The following CNKSR2 variants were observed in gnomAD, a reference collection of about 807,000 sequenced individuals.
The protein encoded by CNKSR2 is CNK homolog protein 2.
CNKSR2 carries 14 observed loss-of-function variants against 84.4 expected under a neutral mutation model. The observed-to-expected ratio is 0.17, with a 90% CI of 0.11 to 0.26. The LOEUF is 0.26. Among genes scored for constraint, CNKSR2 ranks in the 10% least tolerant of loss-of-function variants. The probability of loss-of-function intolerance (pLI) is 1.00; values close to 1 mark genes in which losing one functional copy is unlikely to be tolerated. For synonymous variants in CNKSR2, 275 were observed against 277.9 expected, an observed-to-expected ratio of 0.99 and a Z score of 0.10; for missense variants, 485 against 771.2, an observed-to-expected ratio of 0.63 and a Z score of 4.40.
intron 1 of CNKSR2, among the ~76,000 whole-genome samples, chrX:21,419,506 G>T (rs1004000986): frequency 9.0e-6 from 1 of 110,952 alleles, no homozygotes; most frequent in Non-Finnish European, 1.9e-5. Context: ...ATTTATTAGA[G>T]TTTTTGCAGC....
At chrX:21,412,616 G>A (rs1454244372) in intron 1 of CNKSR2, among the ~76,000 whole-genome samples, 1 of 111,530 alleles carries the variant, frequency 9.0e-6, no homozygotes, top group Non-Finnish European at 1.9e-5. Context: ...ATTGCCACTA[G>A]TGGTTTCTTT....
intron 4 of CNKSR2, chrX:21,441,144 C>T (rs959086631): frequency 1.7e-5 from 2 of 115,327 alleles, no homozygotes; most frequent in African/African-American, 3.2e-5. Flanking sequence ...AAATTAAGTC[C>T]GGTATAAGGC....
intron 2 of CNKSR2, chrX:21,428,311 A>T (rs2090591309): frequency 8.9e-6 from 1 of 112,020 alleles, no homozygotes; most frequent in Non-Finnish European, 1.9e-5. Context: ...CCTCATATAA[A>T]GGAAGACATA....
chrX:21,468,957 A>G (rs2091163322), intron 4 of CNKSR2, among the ~76,000 whole-genome samples: 1 of 111,863 alleles, frequency 8.9e-6, no homozygotes, highest in Admixed American at 9.5e-5. Flanking sequence ...CTAACATCAT[A>G]TGATTACTGA....
intron 1 of CNKSR2, among the ~76,000 whole-genome samples, chrX:21,391,019 G>A (rs1276076138): frequency 8.9e-6 from 1 of 112,414 alleles, no homozygotes; most frequent in African/African-American, 3.2e-5. Flanking sequence ...TACCTCCCTT[G>A]ACTCCATGTC....
At chrX:21,525,790 A>G (rs1337588313) in intron 9 of CNKSR2, among the ~76,000 whole-genome samples, 7 of 111,478 alleles carry the variant, frequency 6.3e-5, no homozygotes. Flanking sequence ...GTCTATATAA[A>G]TATGCTAAGA....
chrX:21,412,820 G>T (rs1034496169), intron 1 of CNKSR2, among the ~76,000 whole-genome samples: 16 of 111,308 alleles, frequency 1.4e-4, no homozygotes, highest in African/African-American at 4.9e-4. Context: ...TTAATCTGTT[G>T]GTTAATTTGT....
At chrX:21,563,050 TAAATC>T (rs2092205986) in intron 12 of CNKSR2, among the ~76,000 whole-genome samples, 183 bp from the exon 13 acceptor site, 1 of 111,605 alleles carries the variant, frequency 9.0e-6, no homozygotes, top group Non-Finnish European at 1.9e-5. Flanking sequence ...TTTTATAAGT[TAAATC>T]AAGTTAAAGT....
intron 5 of CNKSR2, among the ~76,000 whole-genome samples, chrX:21,479,490 C>G (rs1292984205): frequency 9.0e-6 from 1 of 111,135 alleles, no homozygotes; most frequent in Non-Finnish European, 1.9e-5. Flanking sequence ...TAGTCACTGT[C>G]AATGTAAAGA....
At chrX:21,646,069 C>A (rs1244471156) in intron 20 of CNKSR2, among the ~76,000 whole-genome samples, 1 of 111,186 alleles carries the variant, frequency 9.0e-6, no homozygotes. Flanking sequence ...GGTAGCCTGG[C>A]ATCTCAGTCC....
chrX:21,622,885 T>G (rs1315425552), intron 20 of CNKSR2, among the ~76,000 whole-genome samples: 5 of 111,729 alleles, frequency 4.5e-5, no homozygotes, highest in Non-Finnish European at 9.4e-5. Context: ...TTATAGAAAT[T>G]GATTCAACTT....
chrX:21,646,086 C>T (rs1307869137), intron 20 of CNKSR2, among the ~76,000 whole-genome samples: 1 of 111,232 alleles, frequency 9.0e-6, no homozygotes, highest in Non-Finnish European at 1.9e-5. Context: ...GTCCCTCGTC[C>T]TTACTCATCC....
chrX:21,589,836 G>A (rs759402169), intron 13 of CNKSR2, among the ~76,000 whole-genome samples: 10 of 111,502 alleles, frequency 9.0e-5, no homozygotes, highest in Admixed American at 6.7e-4. Flanking sequence ...GCACAAGAGG[G>A]TAGTTAGGTC....
intron 4 of CNKSR2, among the ~76,000 whole-genome samples, chrX:21,452,639 G>C (rs1046552906): frequency 3.6e-5 from 4 of 110,943 alleles, no homozygotes; most frequent in African/African-American, 1.3e-4. Context: ...AGATGACCTT[G>C]TGGGAGAGAA....
At chrX:21,597,858 ACTT>A (rs1404344447) in intron 17 of CNKSR2, among the ~76,000 whole-genome samples, 6 of 109,747 alleles carry the variant, frequency 5.5e-5, no homozygotes, top group Non-Finnish European at 9.5e-5. Context: ...TATCATACCT[ACTT>A]CTTATGAAAA....
chrX:21,525,931 T>A (rs1324761717), intron 9 of CNKSR2, among the ~76,000 whole-genome samples: 1 of 111,104 alleles, frequency 9.0e-6, no homozygotes, highest in Non-Finnish European at 1.9e-5. Flanking sequence ...ACATAGCTAA[T>A]CATTAAGATC....
At chrX:21,420,777 CCCTGTTTTCT>C (rs1374508281) in intron 1 of CNKSR2, among the ~76,000 whole-genome samples, 1 of 110,287 alleles carries the variant, frequency 9.1e-6, no homozygotes, top group African/African-American at 3.3e-5. Flanking sequence ...ATAAAGTTTT[CCCTGTTTTCT>C]CCTCAAGCGG....
intron 12 of CNKSR2, 74 bp from the exon 13 acceptor site, chrX:21,563,164 G>A: frequency 4.8e-6 from 4 of 837,934 alleles, no homozygotes; most frequent in South Asian, 3.0e-5. Context: ...CAACCTAATA[G>A]CACAATTGAG....
At chrX:21,452,577 G>A (rs987841200) in intron 4 of CNKSR2, among the ~76,000 whole-genome samples, 2 of 110,583 alleles carry the variant, frequency 1.8e-5, no homozygotes, top group African/African-American at 6.6e-5. Flanking sequence ...AATTATTGGG[G>A]CGTTAGTTTT....
Sources: gnomAD v4.1 joint callset for allele counts (sites outside exome capture counted in the v4.1 genomes callset) on GRCh38, gnomAD v4.1.1 for gene constraint, MANE v1.5 for transcripts, NCBI Gene and HGNC (gene_info 2026-07-23, HGNC 2026-07-21) for gene names.